The following INPP4B variants were observed in gnomAD, a reference collection of about 807,000 sequenced individuals.
The protein encoded by INPP4B is inositol polyphosphate-4-phosphatase type II B.
A neutral mutation model predicts 122.5 loss-of-function variants in INPP4B; 55 were observed. That is an observed-to-expected ratio of 0.45 (90% CI 0.36 to 0.56). The LOEUF is 0.56. Among genes scored for constraint, INPP4B ranks in the 20% least tolerant of loss-of-function variants. INPP4B has a pLI of 0.00. For missense variants in INPP4B, 1,000 were observed against 1,097.7 expected, an observed-to-expected ratio of 0.91 and a Z score of 1.26; for synonymous variants, 403 against 388.7, an observed-to-expected ratio of 1.04 and a Z score of -0.43.
chr4:142,224,473 T>G (rs1850676696), intron 12 of INPP4B, among the ~76,000 whole-genome samples: 1 of 152,096 alleles, frequency 6.6e-6, no homozygotes, highest in Non-Finnish European at 1.5e-5. Flanking sequence ...AATCAGAAAA[T>G]AAAATATCTT....
intron 5 of INPP4B, among the ~76,000 whole-genome samples, chr4:142,412,633 T>C (rs1337103467): frequency 1.3e-5 from 2 of 152,230 alleles, no homozygotes; most frequent in African/African-American, 2.4e-5. Context: ...CTCTATATCA[T>C]GCTGAGTTGA....
chr4:142,260,173 A>G lies in INPP4B; in HGVS notation c.688+319T>C, dbSNP rs539374131. Among the ~76,000 whole-genome samples the G allele has an allele frequency of 3.3e-5, 5 of 152,138 alleles. No individual in the cohort carries two copies. The South Asian group carries it at 1.0e-3, about 32-fold the overall frequency. On this transcript the variant is annotated intron_variant, in intron 11 of 25. Coordinates refer to ENST00000262992, the MANE Select transcript of INPP4B (RefSeq NM_001101669.3). Reference sequence around the variant, plus strand: ...CTAATTTTTGGTATTTTTAGTAGAGACGGGGTTTCACCATGTCAGCCAGGA... The same window carrying G: ...CTAATTTTTGGTATTTTTAGTAGAGGCGGGGTTTCACCATGTCAGCCAGGA...
At chr4:142,733,747 T>C (rs1325834224) in intron 1 of INPP4B, among the ~76,000 whole-genome samples, 1 of 152,232 alleles carries the variant, frequency 6.6e-6, no homozygotes, top group Non-Finnish European at 1.5e-5. Flanking sequence ...TCTCACCTTA[T>C]GGCTGTGCAA....
chr4:142,600,850 C>T (rs1739739424), intron 2 of INPP4B, among the ~76,000 whole-genome samples: 1 of 152,040 alleles, frequency 6.6e-6, no homozygotes, highest in South Asian at 2.1e-4. Flanking sequence ...GAGAAGTATA[C>T]TGCCACACAA....
intron 3 of INPP4B, among the ~76,000 whole-genome samples, chr4:142,447,359 T>C (rs1185925447): frequency 6.6e-6 from 1 of 152,158 alleles, no homozygotes; most frequent in African/African-American, 2.4e-5. Context: ...GCACAGAATG[T>C]AGCATTCACA....
chr4:142,127,228 G>T (rs1185740217), intron 18 of INPP4B, among the ~76,000 whole-genome samples: 1 of 151,742 alleles, frequency 6.6e-6, no homozygotes, highest in Non-Finnish European at 1.5e-5. Flanking sequence ...TGAATCAACT[G>T]GTCAATACTT....
At chr4:142,845,227 C>G (rs1434670758) in intron 1 of INPP4B, among the ~76,000 whole-genome samples, 1 of 152,132 alleles carries the variant, frequency 6.6e-6, no homozygotes, top group African/African-American at 2.4e-5. Context: ...GGGCCCCTCT[C>G]CACCGACTCC....
intron 18 of INPP4B, among the ~76,000 whole-genome samples, chr4:142,128,342 T>C (rs966358508): frequency 1.4e-5 from 2 of 147,462 alleles, no homozygotes; most frequent in African/African-American, 2.5e-5. Flanking sequence ...CGTACTTTTA[T>C]ACACACACAC....
intron 6 of INPP4B, among the ~76,000 whole-genome samples, chr4:142,403,633 G>A (rs1489231260): frequency 3.3e-5 from 5 of 152,094 alleles, no homozygotes; most frequent in African/African-American, 4.8e-5. Context: ...TCAGGATGCA[G>A]TGCACAGGAT....
chr4:142,252,777 A>C (rs139486960), intron 11 of INPP4B, among the ~76,000 whole-genome samples: 123 of 152,340 alleles, frequency 8.1e-4, no homozygotes, highest in Non-Finnish European at 1.5e-3. Context: ...TATAATTAGG[A>C]AGTCAAACTA....
chr4:142,594,212 C>T (rs183183252), intron 2 of INPP4B, among the ~76,000 whole-genome samples: 1 of 152,158 alleles, frequency 6.6e-6, no homozygotes, highest in Admixed American at 6.5e-5. Flanking sequence ...TAACATTGCA[C>T]CAGACATTTC....
chr4:142,325,376 G>C lies in INPP4B; in HGVS notation c.373-10614C>G, dbSNP rs1484239068. Among the ~76,000 whole-genome samples, 5 of 152,298 alleles carry C rather than the reference G, an allele frequency of 3.3e-5. No homozygotes were observed. In the East Asian group the frequency reaches 5.8e-4, roughly 18 times the overall value. On this transcript the variant is annotated intron_variant, in intron 7 of 25. Coordinates refer to ENST00000262992, the MANE Select transcript of INPP4B (RefSeq NM_001101669.3). Reference sequence around the variant, plus strand: ...TGTTGAGTTACGTTTTTGACAAACTGGTTACAAATGCATAATGACAGGTGG... The same window carrying C: ...TGTTGAGTTACGTTTTTGACAAACTCGTTACAAATGCATAATGACAGGTGG...
chr4:142,610,420 T>C (rs1742220702), intron 2 of INPP4B, among the ~76,000 whole-genome samples: 1 of 152,208 alleles, frequency 6.6e-6, no homozygotes, highest in Non-Finnish European at 1.5e-5. Flanking sequence ...AATAGCCATC[T>C]GAGGGTAGTG....
At chr4:142,084,554 G>T (rs998545572) in intron 24 of INPP4B, among the ~76,000 whole-genome samples, 1 of 151,988 alleles carries the variant, frequency 6.6e-6, no homozygotes, top group Admixed American at 6.6e-5. Context: ...AGGAATTTCG[G>T]TATTTATTTT....
chr4:142,384,095 A>C (rs1429870899), intron 7 of INPP4B: 4 of 702,026 alleles, frequency 5.7e-6, no homozygotes, highest in Non-Finnish European at 1.0e-5. Context: ...ACTTATACTC[A>C]AATTCTGGAT....
At chr4:142,465,951 C>G (rs1817677597) in intron 2 of INPP4B, among the ~76,000 whole-genome samples, 1 of 152,188 alleles carries the variant, frequency 6.6e-6, no homozygotes, top group Non-Finnish European at 1.5e-5. Context: ...TGTCACCATA[C>G]TTCCTATGGA....
intron 16 of INPP4B, among the ~76,000 whole-genome samples, chr4:142,163,066 C>T (rs1423387645): frequency 6.6e-6 from 1 of 151,756 alleles, no homozygotes; most frequent in African/African-American, 2.4e-5. Context: ...AATAAATCAG[C>T]TTGAAAAGAT....
At chr4:142,278,829 T>C (rs1749854720) in intron 9 of INPP4B, among the ~76,000 whole-genome samples, 1 of 151,926 alleles carries the variant, frequency 6.6e-6, no homozygotes, top group African/African-American at 2.4e-5. Flanking sequence ...AAAGATCTGA[T>C]ACTGAAAAGT....
At chr4:142,245,662 T>A (rs1727640522) in intron 11 of INPP4B, among the ~76,000 whole-genome samples, 1 of 152,044 alleles carries the variant, frequency 6.6e-6, no homozygotes, top group Admixed American at 6.6e-5. Flanking sequence ...GAAGGAATGG[T>A]ACCTGCTCCT....
Sources: allele counts gnomAD v4.1 joint callset (sites outside exome capture counted in the v4.1 genomes callset), GRCh38; gene constraint gnomAD v4.1.1; transcripts MANE v1.5; gene names NCBI Gene and HGNC (gene_info 2026-07-23, HGNC 2026-07-21).